Variants in SORCS2 observed in about 807,000 individuals in gnomAD.
The protein encoded by SORCS2 is VPS10 domain-containing receptor SorCS2.
In SORCS2, 100 loss-of-function variants were observed where a neutral mutation model predicts 141.6. That is an observed-to-expected ratio of 0.71 (90% CI 0.60 to 0.83). The LOEUF (loss-of-function observed/expected upper bound fraction) is 0.83. Ranked by LOEUF, SORCS2 falls within the 40% of genes least tolerant of loss-of-function variation. The pLI is 0.00. For synonymous variants in SORCS2, 789 were observed against 676.9 expected (o/e 1.17, Z -2.57); for missense variants, 1,646 against 1,560.2 (o/e 1.05, Z -0.93).
At chr4:7,254,257 A>T (rs1713700000) in intron 1 of SORCS2, among the ~76,000 whole-genome samples, 1 of 152,218 alleles carries the variant, frequency 6.6e-6, no homozygotes, top group African/African-American at 2.4e-5. Context: ...CAGCAAAGAT[A>T]TAGAATCAAA....
intron 2 of SORCS2, among the ~76,000 whole-genome samples, chr4:7,461,081 G>T (rs1268958010): frequency 6.6e-6 from 1 of 152,170 alleles, no homozygotes; most frequent in African/African-American, 2.4e-5. Flanking sequence ...AAGATGCCCT[G>T]CCACAAACAT....
intron 3 of SORCS2, among the ~76,000 whole-genome samples, chr4:7,602,476 C>G (rs1221917360): frequency 1.3e-5 from 2 of 150,412 alleles, no homozygotes; most frequent in Non-Finnish European, 3.0e-5. Flanking sequence ...ACATCCCAGA[C>G]GGGGCGGCGG....
intron 3 of SORCS2, among the ~76,000 whole-genome samples, chr4:7,610,009 G>T (rs1300278555): frequency 6.6e-6 from 1 of 152,170 alleles, no homozygotes; most frequent in Non-Finnish European, 1.5e-5. Context: ...TCATCCACAG[G>T]CCAGTTTTCA....
At chr4:7,234,309 G>A (rs1212902779) in intron 1 of SORCS2, among the ~76,000 whole-genome samples, 1 of 152,236 alleles carries the variant, frequency 6.6e-6, no homozygotes, top group Non-Finnish European at 1.5e-5. Flanking sequence ...CTGCCAGCAG[G>A]CCTGTTCTGC....
chr4:7,708,904 G>A (rs1200396017), intron 14 of SORCS2, among the ~76,000 whole-genome samples: 1 of 152,188 alleles, frequency 6.6e-6, no homozygotes, highest in Non-Finnish European at 1.5e-5. Flanking sequence ...TAAGGGTCCT[G>A]ATGTTTGCCG....
rs148704902 is a variant in SORCS2 at position 7,223,229 on chromosome 4, C to T, written c.480+30103C>T. Among the ~76,000 whole-genome samples, 21 of 152,232 alleles carry T rather than the reference C, an allele frequency of 1.4e-4. No individual in the cohort carries two copies. The East Asian group carries it at 3.9e-3, about 28-fold the overall frequency. Reference sequence around the variant, plus strand: ...TCTGATTCCTCACAGATACCAATGGCCAGCTTTTGGTGCCTTCTCATTGCA... The same window carrying T: ...TCTGATTCCTCACAGATACCAATGGTCAGCTTTTGGTGCCTTCTCATTGCA... On this transcript the variant is annotated intron_variant, in intron 1 of 26. Transcript: ENST00000507866.
intron 1 of SORCS2, among the ~76,000 whole-genome samples, chr4:7,213,221 G>A (rs1486739088): frequency 6.6e-6 from 1 of 152,190 alleles, no homozygotes; most frequent in Non-Finnish European, 1.5e-5. Flanking sequence ...CTCGCCTGTG[G>A]GCTGTGGCAC....
intron 3 of SORCS2, among the ~76,000 whole-genome samples, chr4:7,537,047 C>A (rs373934394): frequency 2.6e-5 from 4 of 152,204 alleles, no homozygotes; most frequent in African/African-American, 9.6e-5. Flanking sequence ...CTGAGGCACC[C>A]TTGCAGCTAA....
At chr4:7,737,291 C>G in intron 26 of SORCS2, 119 bp downstream of exon 26, 1 of 1,429,938 alleles carries the variant, frequency 7.0e-7, no homozygotes, top group Non-Finnish European at 9.3e-7. Flanking sequence ...AAACGCTGGC[C>G]CAGCAGCCCT....
intron 2 of SORCS2, among the ~76,000 whole-genome samples, chr4:7,403,073 G>A (rs35397875): frequency 0.15 from 23,130 of 151,904 alleles, 1,878 homozygotes; most frequent in Non-Finnish European, 0.18. Context: ...AGAATGTTTT[G>A]CCATACCACA....
At chr4:7,345,655 C>T (rs1041596359) in intron 1 of SORCS2, among the ~76,000 whole-genome samples, 12 of 152,194 alleles carry the variant, frequency 7.9e-5, no homozygotes, top group African/African-American at 2.9e-4. Flanking sequence ...ACCTTTAAAA[C>T]CTTTGATCAT....
Position 7,712,836 on chromosome 4 carries a change from GAGCTCTCCAACCTGCA to G in SORCS2, c.1973_1988del (p.Glu658GlyfsTer150). ...CGGCGAGGAGGACTACAGCTCCTGG[GAGCTCTCCAACCTGCA>G]GGTGGGCCGGCATGAGGCTGGGATC... On this transcript the variant is annotated frameshift_variant and splice_region_variant, in exon 15 of 27. Coordinates refer to ENST00000507866, the MANE Select transcript of SORCS2 (RefSeq NM_020777.3). LOFTEE classifies it high-confidence loss of function. The G allele has an allele frequency of 6.2e-7, 1 of 1,613,868 alleles. No homozygotes were observed. Among genetic ancestry groups the G allele is most frequent in the Non-Finnish European group, 8.5e-7 (1 of 1,179,856 alleles).
At chr4:7,433,157 G>T in intron 2 of SORCS2, 1 of 722,194 alleles carries the variant, frequency 1.4e-6, no homozygotes, top group Non-Finnish European at 2.0e-6. Flanking sequence ...TTAAGAGAGA[G>T]GCTTTCGGGA....
rs1383290840 is a variant in SORCS2 at position 7,233,174 on chromosome 4, C to T, written c.480+40048C>T. 6.6e-6 allele frequency among the ~76,000 whole-genome samples: 1 copy of T among 152,166 alleles called. No homozygotes were observed. The highest frequency in any genetic ancestry group is 2.4e-5 in the African/African-American group (1 of 41,438). ...ACCCGAGGGAGGCCAGGTACTGTCA[C>T]TGCAGGCAGCAGGAACGGCACGGCA... On this transcript the variant is annotated intron_variant, in intron 1 of 26. Transcript: ENST00000507866. This position sits in a 1 kb window ranked among gnomAD's most constrained non-coding sequence, Gnocchi z 4.5.
At chr4:7,731,363 A>C (rs551845834) in intron 23 of SORCS2, among the ~76,000 whole-genome samples, 1 of 152,206 alleles carries the variant, frequency 6.6e-6, no homozygotes, top group Non-Finnish European at 1.5e-5. Flanking sequence ...GATTAGAAGA[A>C]TTTATATTAT....
At chr4:7,282,877 T>C (rs1301207627) in intron 1 of SORCS2, among the ~76,000 whole-genome samples, 1 of 152,150 alleles carries the variant, frequency 6.6e-6, no homozygotes, top group Non-Finnish European at 1.5e-5. Context: ...TGTGCCAGGA[T>C]GGCTGGGAAG....
intron 1 of SORCS2, among the ~76,000 whole-genome samples, chr4:7,360,513 T>A (rs1251057068): frequency 1.4e-5 from 2 of 147,774 alleles, no homozygotes; most frequent in Non-Finnish European, 3.0e-5. Context: ...TGAGTCCCAG[T>A]CCAGGCTCTG....
intron 1 of SORCS2, among the ~76,000 whole-genome samples, chr4:7,308,197 C>T (rs952588): frequency 0.72 from 109,676 of 151,978 alleles, 42,128 homozygotes; most frequent in Non-Finnish European, 0.86. Context: ...CGAGTCCCTG[C>T]GTGAAACTCC....
rs144086508 is a variant in SORCS2, at chr4:7,630,147, C to T, written c.649-8181C>T. 1.5e-3 allele frequency among the ~76,000 whole-genome samples: 232 copies of T among 152,260 alleles called. 1 individual carries two copies. The highest frequency in any genetic ancestry group is 4.3e-3 in the African/African-American group (180 of 41,562). On this transcript the variant is annotated intron_variant, in intron 3 of 26. Coordinates refer to ENST00000507866, the MANE Select transcript of SORCS2 (RefSeq NM_020777.3). ...TCTGGCAAAGTGAGGCTTGTTCATA[C>T]GCAGACTGTGAGGGTGTGGTGGGCC...
Sources: gnomAD v4.1 joint callset for allele counts (sites outside exome capture counted in the v4.1 genomes callset) on GRCh38, gnomAD v4.1.1 for gene constraint, Gnocchi (gnomAD v3.1) non-coding constraint, MANE v1.5 for transcripts, NCBI Gene and HGNC (gene_info 2026-07-23, HGNC 2026-07-21) for gene names.